The following RCAN1 variants were observed in gnomAD, a reference collection of about 807,000 sequenced individuals.
RCAN1 encodes regulator of calcineurin 1.
Under a neutral mutation model 22.9 loss-of-function variants are expected in RCAN1, and 11 were observed. The ratio of observed to expected loss-of-function variants is 0.48; its 90% confidence interval spans 0.30 to 0.79. The LOEUF (loss-of-function observed/expected upper bound fraction) is 0.79. Among genes scored for constraint, RCAN1 ranks in the 30% least tolerant of loss-of-function variants. RCAN1 has a pLI of 0.06. For synonymous variants in RCAN1, 136 were observed against 142.3 expected (o/e 0.96, Z 0.32); for missense variants, 291 against 337.8 (o/e 0.86, Z 1.09).
chr21:34,561,490 TA>T (rs758311603), intron 1 of RCAN1, among the ~76,000 whole-genome samples: 1 of 152,188 alleles, frequency 6.6e-6, no homozygotes. Flanking sequence ...CAACTTATTT[TA>T]GATATTATTC....
At chr21:34,560,996 G>A (rs947445169) in intron 1 of RCAN1, among the ~76,000 whole-genome samples, 1 of 152,158 alleles carries the variant, frequency 6.6e-6, no homozygotes, top group Non-Finnish European at 1.5e-5. Flanking sequence ...GATCATGGGG[G>A]TGGTTTCCCT....
intron 1 of RCAN1, among the ~76,000 whole-genome samples, chr21:34,571,778 G>A (rs553821348): frequency 2.4e-4 from 37 of 152,216 alleles, no homozygotes; most frequent in Non-Finnish European, 4.7e-4. Flanking sequence ...GAACTCCTGG[G>A]CTCAAGCAAC....
chr21:34,525,152 A>C, intron 1 of RCAN1: 2 of 1,550,428 alleles, frequency 1.3e-6, no homozygotes, highest in Non-Finnish European at 1.7e-6. Context: ...ATAAGAGAGG[A>C]GAGTGTCTTC....
chr21:34,613,915 G>C, intron 1 of RCAN1: 1 of 1,302,034 alleles, frequency 7.7e-7, no homozygotes, highest in Non-Finnish European at 1.0e-6. Flanking sequence ...TCTCCTAATG[G>C]GGCATCTCTC....
chr21:34,573,951 T>A (rs1379680498), intron 1 of RCAN1, among the ~76,000 whole-genome samples: 1 of 152,180 alleles, frequency 6.6e-6, no homozygotes, highest in Non-Finnish European at 1.5e-5. Flanking sequence ...CATACAGAGT[T>A]CCTATTTAGG....
chr21:34,563,773 ATAT>A lies in RCAN1; in HGVS notation c.253-40066_253-40064del, dbSNP rs1986892955. Among the ~76,000 whole-genome samples the A allele has an allele frequency of 1.3e-4, 9 of 68,272 alleles. No individual in the cohort carries two copies. The South Asian group carries it at 5.3e-3, about 40-fold the overall frequency. 44.8% of individuals were successfully genotyped at this position (68,272 alleles called of 152,430 possible). On this transcript the variant is annotated intron_variant, in intron 1 of 3. Transcript: ENST00000313806. ...AAATACCAAAAAAAAAAAAAAAAAT[ATAT>A]ATATATATATATATATATAGAGAGA...
intron 1 of RCAN1, among the ~76,000 whole-genome samples, chr21:34,577,471 C>A (rs186387876): frequency 1.3e-5 from 2 of 151,934 alleles, no homozygotes; most frequent in Non-Finnish European, 2.9e-5. Context: ...TGGTGGTGTG[C>A]GCCTGTAGTC....
Position 34,576,793 on chromosome 21 carries a change from C to T in RCAN1, c.252+37967G>A, listed in dbSNP as rs538167549. Among the ~76,000 whole-genome samples, 9 of 152,250 alleles carry T rather than the reference C, an allele frequency of 5.9e-5. No homozygotes were observed. In the East Asian group the frequency reaches 1.5e-3, roughly 26 times the overall value. On this transcript the variant is annotated intron_variant, in intron 1 of 3. Transcript: ENST00000313806. ...ACAAACAAGCAGGTGGAAGAAAATC[C>T]AAAGATAGCTAATGGATAATACTTT...
chr21:34,561,561 A>G (rs1986791293), intron 1 of RCAN1, among the ~76,000 whole-genome samples: 1 of 152,214 alleles, frequency 6.6e-6, no homozygotes, highest in Non-Finnish European at 1.5e-5. Context: ...TCCAAGAGTT[A>G]AAAATGCTGG....
intron 1 of RCAN1, among the ~76,000 whole-genome samples, chr21:34,536,628 C>T (rs1382044340): frequency 6.6e-6 from 1 of 151,986 alleles, no homozygotes; most frequent in African/African-American, 2.4e-5. Context: ...ATGATTCTCC[C>T]AGGGAGGCTG....
At chr21:34,554,316 T>A (rs1408904469) in intron 1 of RCAN1, among the ~76,000 whole-genome samples, 1 of 152,272 alleles carries the variant, frequency 6.6e-6, no homozygotes, top group African/African-American at 2.4e-5. Context: ...TATTTCTAAC[T>A]ACCTACTAGC....
chr21:34,594,116 G>A (rs1018445644), intron 1 of RCAN1, among the ~76,000 whole-genome samples: 1 of 152,082 alleles, frequency 6.6e-6, no homozygotes, highest in African/African-American at 2.4e-5. Context: ...GCAGATCTGC[G>A]TAAAATAAAC....
intron 3 of RCAN1, chr21:34,521,039 T>G (rs1174198791): frequency 8.6e-7 from 1 of 1,159,928 alleles, no homozygotes; most frequent in African/African-American, 1.6e-5. Context: ...ATGGTTCTCC[T>G]TCCCTTTTCC....
chr21:34,598,001 A>T (rs1198964900), intron 1 of RCAN1, among the ~76,000 whole-genome samples: 1 of 152,246 alleles, frequency 6.6e-6, no homozygotes, highest in Non-Finnish European at 1.5e-5. Flanking sequence ...TAGGGTCTAT[A>T]TAAAGAAAAC....
intron 1 of RCAN1, among the ~76,000 whole-genome samples, chr21:34,588,512 G>GTA (rs1386907153): frequency 1.3e-5 from 2 of 152,206 alleles, no homozygotes; most frequent in African/African-American, 4.8e-5. Flanking sequence ...AGGATGGCTA[G>GTA]TATCAAAAAC....
At chr21:34,575,905 G>A (rs1987399462) in intron 1 of RCAN1, among the ~76,000 whole-genome samples, 1 of 152,122 alleles carries the variant, frequency 6.6e-6, no homozygotes, top group Admixed American at 6.6e-5. Flanking sequence ...TTACAAATGA[G>A]GAAATAAACT....
chr21:34,553,020 C>T (rs536704705), intron 1 of RCAN1, among the ~76,000 whole-genome samples: 1 of 152,174 alleles, frequency 6.6e-6, no homozygotes, highest in Non-Finnish European at 1.5e-5. Context: ...TTTCTAAACA[C>T]AGCACAACAC....
chr21:34,528,628 T>C, intron 1 of RCAN1, among the ~76,000 whole-genome samples: 1 of 152,068 alleles, frequency 6.6e-6, no homozygotes, highest in African/African-American at 2.4e-5. Context: ...GAAACAGAGG[T>C]GAGGGGAGCA....
intron 1 of RCAN1, among the ~76,000 whole-genome samples, chr21:34,594,089 G>A (rs1206457546): frequency 6.6e-6 from 1 of 152,180 alleles, no homozygotes; most frequent in Non-Finnish European, 1.5e-5. Flanking sequence ...TTCCTGTCGT[G>A]ACCCTTGAGT....
Sources: gnomAD v4.1 joint callset for allele counts (sites outside exome capture counted in the v4.1 genomes callset) on GRCh38, gnomAD v4.1.1 for gene constraint, MANE v1.5 for transcripts, NCBI Gene and HGNC (gene_info 2026-07-23, HGNC 2026-07-21) for gene names.